Variants in GPHN observed in about 807,000 individuals in gnomAD.
The protein encoded by GPHN is gephyrin.
GPHN carries 17 observed loss-of-function variants against 95.5 expected under a neutral mutation model. The observed-to-expected ratio is 0.18, with a 90% confidence interval of 0.12 to 0.27. GPHN has a LOEUF of 0.27. Ranked by LOEUF, GPHN falls within the 10% of genes least tolerant of loss-of-function variation. GPHN has a pLI of 1.00. For synonymous variants in GPHN, 320 were observed against 322.5 expected, an observed-to-expected ratio of 0.99 and a Z score of 0.08; for missense variants, 660 against 978.1, an observed-to-expected ratio of 0.67 and a Z score of 4.34.
At chr14:66,532,779 G>T (rs1300746812) in intron 1 of GPHN, among the ~76,000 whole-genome samples, 1 of 152,200 alleles carries the variant, frequency 6.6e-6, no homozygotes, top group Non-Finnish European at 1.5e-5. Context: ...TACCCTGTAA[G>T]TAGTCTTCAT....
the GPHN span, among the ~76,000 whole-genome samples, chr14:67,332,042 G>T: frequency 1.3e-5 from 2 of 152,108 alleles, no homozygotes; most frequent in South Asian, 4.1e-4. Flanking sequence ...AAATTGTTTT[G>T]TACTATGGGT....
chr14:67,272,118 T>A, the GPHN span: 2 of 151,804 alleles, frequency 1.3e-5, no homozygotes, highest in Non-Finnish European at 1.5e-5. Flanking sequence ...TAGCCAGGGG[T>A]AAATAATTAA....
chr14:67,698,219 T>C, the GPHN span, among the ~76,000 whole-genome samples: 1 of 152,206 alleles, frequency 6.6e-6, no homozygotes, highest in Non-Finnish European at 1.5e-5. Context: ...TATTTGCATA[T>C]CCATATAAAA....
At chr14:66,764,433 A>G (rs2153454702) in intron 2 of GPHN, among the ~76,000 whole-genome samples, 1 of 152,134 alleles carries the variant, frequency 6.6e-6, no homozygotes, top group Non-Finnish European at 1.5e-5. Context: ...TTAATCCTAT[A>G]TGGTAGGTTT....
At chr14:66,793,380 A>G (rs1335179016) in intron 3 of GPHN, among the ~76,000 whole-genome samples, 7 of 152,246 alleles carry the variant, frequency 4.6e-5, no homozygotes, top group Non-Finnish European at 1.5e-5. Flanking sequence ...CAGTAAGTAC[A>G]TAACACCAGA....
intron 9 of GPHN, among the ~76,000 whole-genome samples, chr14:66,991,102 ATTAT>A (rs1446188902): frequency 3.9e-5 from 6 of 152,066 alleles, no homozygotes; most frequent in Admixed American, 1.3e-4. Context: ...ATTAAAATGT[ATTAT>A]TTATTCAACA....
chr14:67,321,907 C>T, the GPHN span, among the ~76,000 whole-genome samples: 22 of 151,926 alleles, frequency 1.4e-4, no homozygotes, highest in South Asian at 1.0e-3. Context: ...TTTCTGATTC[C>T]GATATGAGAA....
At chr14:67,515,432 C>T in the GPHN span, 1 of 185,130 alleles carries the variant, frequency 5.4e-6, no homozygotes, top group Non-Finnish European at 1.1e-5. Context: ...GCGGCGGCGG[C>T]GGCGGCACTC....
chr14:67,106,238 G>A (rs1050998145), intron 13 of GPHN, among the ~76,000 whole-genome samples: 11 of 152,038 alleles, frequency 7.2e-5, no homozygotes, highest in African/African-American at 2.7e-4. Context: ...TTCCTGTCCT[G>A]TAAGGTTTCT....
chr14:67,690,435 C>G, the GPHN span: 225 of 1,611,520 alleles, frequency 1.4e-4, no homozygotes, highest in African/African-American at 2.3e-3. Flanking sequence ...TTGAGAAATA[C>G]TAGAATTAAT....
At chr14:67,042,527 T>G (rs1299628499) in intron 10 of GPHN, among the ~76,000 whole-genome samples, 2 of 152,234 alleles carry the variant, frequency 1.3e-5, no homozygotes, top group Non-Finnish European at 2.9e-5. Context: ...TTGTCAAACA[T>G]CACATGGTTG....
At chr14:67,131,184 T>C (rs1427239473) in intron 17 of GPHN, among the ~76,000 whole-genome samples, 1 of 152,134 alleles carries the variant, frequency 6.6e-6, no homozygotes, top group African/African-American at 2.4e-5. Context: ...TGAGCACATA[T>C]ATTTTTCTCT....
At chr14:66,861,018 A>C in intron 4 of GPHN, among the ~76,000 whole-genome samples, 1 of 152,116 alleles carries the variant, frequency 6.6e-6, no homozygotes, top group East Asian at 1.9e-4. Flanking sequence ...ACAAAATGGC[A>C]GGTGTAAGCC....
At chr14:66,834,462 T>C (rs528665404) in intron 4 of GPHN, among the ~76,000 whole-genome samples, 4 of 152,148 alleles carry the variant, frequency 2.6e-5, no homozygotes, top group African/African-American at 9.6e-5. Flanking sequence ...GTTTTTAATA[T>C]GAAAGTTGTT....
chr14:67,342,214 A>AAAT, the GPHN span, among the ~76,000 whole-genome samples: 105 of 101,982 alleles, frequency 1.0e-3, no homozygotes, highest in African/African-American at 5.7e-3. Flanking sequence ...ATAAATAAAT[A>AAAT]AAATAAAATA....
the GPHN span, among the ~76,000 whole-genome samples, chr14:67,679,434 C>T: frequency 6.8e-6 from 1 of 146,260 alleles, no homozygotes; most frequent in African/African-American, 2.5e-5. Context: ...GGCGGAGTCT[C>T]ACTCTGTCGC....
chr14:66,864,715 G>A (rs1310261243), intron 4 of GPHN, among the ~76,000 whole-genome samples: 4 of 152,082 alleles, frequency 2.6e-5, no homozygotes, highest in African/African-American at 7.2e-5. Flanking sequence ...GGAGATTGCA[G>A]TGAGCCGAGA....
the GPHN span, among the ~76,000 whole-genome samples, chr14:67,190,241 T>TTTA: frequency 6.7e-6 from 1 of 149,092 alleles, no homozygotes; most frequent in African/African-American, 2.5e-5. Context: ...TTTTTTTTTT[T>TTTA]GAGACACAGT....
chr14:67,168,701 A>G (rs1224630404), intron 20 of GPHN, among the ~76,000 whole-genome samples: 1 of 152,224 alleles, frequency 6.6e-6, no homozygotes, highest in African/African-American at 2.4e-5. Context: ...GGCGTTAAAC[A>G]GCTTCTGGGC....
Sources: allele counts gnomAD v4.1 joint callset (sites outside exome capture counted in the v4.1 genomes callset), GRCh38; gene constraint gnomAD v4.1.1; transcripts MANE v1.5; gene names NCBI Gene and HGNC (gene_info 2026-07-23, HGNC 2026-07-21).